Variants in CACNA1E observed in about 807,000 individuals in gnomAD.
CACNA1E encodes the protein calcium voltage-gated channel subunit alpha1 E.
In CACNA1E, 40 loss-of-function variants were observed where a neutral mutation model predicts 259.2. That is an observed-to-expected ratio of 0.15 (90% CI 0.12 to 0.20). The LOEUF is 0.20. Among genes scored for constraint, CACNA1E ranks in the 10% least tolerant of loss-of-function variants. The pLI is 1.00. For synonymous variants in CACNA1E, 1,104 were observed against 1,138.5 expected (o/e 0.97, Z 0.61); for missense variants, 1,874 against 3,040.1 (o/e 0.62, Z 9.02).
At chr1:181,455,794 G>A (rs555787092) in intron 2 of CACNA1E, among the ~76,000 whole-genome samples, 15 of 152,240 alleles carry the variant, frequency 9.9e-5, no homozygotes, top group Admixed American at 7.8e-4. Flanking sequence ...TTCTGGCCTC[G>A]TTTCTGGGCC....
chr1:181,790,098 T>C (rs887658089), intron 43 of CACNA1E, among the ~76,000 whole-genome samples: 1 of 152,218 alleles, frequency 6.6e-6, no homozygotes, highest in Non-Finnish European at 1.5e-5. Flanking sequence ...GTTCACTGTG[T>C]AAACTAGGGT....
chr1:181,757,178 C>A, intron 30 of CACNA1E, 52 bp downstream of exon 30: 1 of 1,287,728 alleles, frequency 7.8e-7, no homozygotes, highest in Non-Finnish European at 1.1e-6. Context: ...AGAAAGGATT[C>A]TTGGGCCAGC....
chr1:181,372,150 G>A (rs1048461644), intron 1 of CACNA1E, among the ~76,000 whole-genome samples: 4 of 152,082 alleles, frequency 2.6e-5, no homozygotes, highest in Non-Finnish European at 2.9e-5. Context: ...TTGGTAGTTC[G>A]GTAGGAATAG....
chr1:181,680,547 A>ACCAGC lies in CACNA1E; in HGVS notation c.1055+29115_1055+29119dup, dbSNP rs1389034237. Reference sequence around the variant, plus strand: ...CACATGTTCTCTCATGCACATGCCGACCAGCCCAGCCCACCCTGCTTCTCA... The same window carrying ACCAGC: ...CACATGTTCTCTCATGCACATGCCGACCAGCCCAGCCCAGCCCACCCTGCTTCTCA... On this transcript the variant is annotated intron_variant, in intron 7 of 47. Coordinates refer to ENST00000367573, the MANE Select transcript of CACNA1E (RefSeq NM_001205293.3). Among the ~76,000 whole-genome samples, 3 of 152,158 alleles carry ACCAGC rather than the reference A, an allele frequency of 2.0e-5. No individual in the cohort carries two copies. In the East Asian group the frequency reaches 5.8e-4, roughly 29 times the overall value.
rs552806827 is a variant in CACNA1E, at chr1:181,527,996, A to G, written c.512+16486A>G. On this transcript the variant is annotated intron_variant, in intron 3 of 47. Coordinates refer to ENST00000367573, the MANE Select transcript of CACNA1E (RefSeq NM_001205293.3). ...CCAGTTTTTTATAATTATCTACTGGATTATCAAACTCTTGTGGTGAAGACC... is the reference window on the plus strand; with the variant it reads ...CCAGTTTTTTATAATTATCTACTGGGTTATCAAACTCTTGTGGTGAAGACC... Among the ~76,000 whole-genome samples the G allele has an allele frequency of 2.0e-5, 3 of 151,878 alleles. No homozygotes were observed. The South Asian group carries it at 6.2e-4, about 32-fold the overall frequency.
chr1:181,404,313 G>T (rs1208543429), intron 1 of CACNA1E, among the ~76,000 whole-genome samples: 1 of 152,210 alleles, frequency 6.6e-6, no homozygotes, highest in Non-Finnish European at 1.5e-5. Context: ...AATCTTACAA[G>T]TGCCTTGTGT....
intron 7 of CACNA1E, among the ~76,000 whole-genome samples, chr1:181,658,674 T>G (rs1468463410): frequency 1.1e-4 from 16 of 152,314 alleles, no homozygotes. Context: ...CTGCACAGAT[T>G]AGATGTCATG....
intron 1 of CACNA1E, among the ~76,000 whole-genome samples, chr1:181,325,983 A>G (rs1307973784): frequency 6.6e-6 from 1 of 152,156 alleles, no homozygotes; most frequent in Non-Finnish European, 1.5e-5. Context: ...CTCCGCGTGC[A>G]CTGGCCACAC....
intron 7 of CACNA1E, among the ~76,000 whole-genome samples, chr1:181,694,633 G>C (rs1651524163): frequency 6.6e-6 from 1 of 152,182 alleles, no homozygotes; most frequent in Admixed American, 6.5e-5. Flanking sequence ...ACAACCCGTT[G>C]ATCTTGGACT....
At chr1:181,786,049 C>T (rs1278363710) in intron 43 of CACNA1E, among the ~76,000 whole-genome samples, 2 of 152,186 alleles carry the variant, frequency 1.3e-5, no homozygotes, top group Admixed American at 6.5e-5. Flanking sequence ...TTTGAATGAA[C>T]AATAGAAGAA....
intron 1 of CACNA1E, among the ~76,000 whole-genome samples, chr1:181,402,952 G>T (rs766667541): frequency 6.6e-6 from 1 of 152,082 alleles, no homozygotes; most frequent in South Asian, 2.1e-4. Context: ...TTTACTTAAT[G>T]GGAAAGATAA....
intron 8 of CACNA1E, 108 bp downstream of exon 8, chr1:181,711,177 G>A (rs1488331945): frequency 1.3e-6 from 1 of 748,702 alleles, no homozygotes; most frequent in Non-Finnish European, 2.3e-6. Context: ...CAAGACAAGA[G>A]AGACACTCTG....
intron 1 of CACNA1E, among the ~76,000 whole-genome samples, chr1:181,493,350 G>T (rs1664477794): frequency 6.6e-6 from 1 of 152,196 alleles, no homozygotes; most frequent in Admixed American, 6.5e-5. Context: ...TGTCAGCCAG[G>T]CTGCTATGAA....
chr1:181,383,458 G>T (rs1240600481), intron 1 of CACNA1E, among the ~76,000 whole-genome samples: 1 of 152,238 alleles, frequency 6.6e-6, no homozygotes, highest in African/African-American at 2.4e-5. Flanking sequence ...AGCAGAAGTA[G>T]TAAACGGAGC....
At chr1:181,382,466 G>A (rs1333227416) in intron 1 of CACNA1E, among the ~76,000 whole-genome samples, 1 of 152,174 alleles carries the variant, frequency 6.6e-6, no homozygotes, top group Admixed American at 6.5e-5. Context: ...AGTAGTTCAG[G>A]TGCATCCAGT....
intron 3 of CACNA1E, among the ~76,000 whole-genome samples, chr1:181,523,515 T>C (rs1558085468): frequency 1.3e-5 from 2 of 152,238 alleles, no homozygotes; most frequent in African/African-American, 4.8e-5. Flanking sequence ...ATATCTTTGC[T>C]CTACTGTTTT....
chr1:181,781,311 T>A (rs1660406335), intron 38 of CACNA1E, 116 bp from the exon 39 acceptor site: 3 of 652,766 alleles, frequency 4.6e-6, no homozygotes, highest in Non-Finnish European at 8.5e-6. Flanking sequence ...TCTCTGGGAA[T>A]GCCTATTCTC....
At chr1:181,726,214 A>G (rs1201165541) in intron 18 of CACNA1E, 52 bp downstream of exon 18, 8 of 1,260,634 alleles carry the variant, frequency 6.3e-6, no homozygotes, top group East Asian at 4.9e-5. Flanking sequence ...CTAACAGCCA[A>G]TTCATCAACT....
intron 25 of CACNA1E, among the ~76,000 whole-genome samples, chr1:181,742,321 A>G (rs920710256): frequency 2.0e-5 from 3 of 152,208 alleles, no homozygotes; most frequent in South Asian, 2.1e-4. Context: ...CCTCATGGTC[A>G]GGGGCTCAGG....
Sources: allele counts gnomAD v4.1 joint callset (sites outside exome capture counted in the v4.1 genomes callset), GRCh38; gene constraint gnomAD v4.1.1; transcripts MANE v1.5; gene names NCBI Gene and HGNC (gene_info 2026-07-23, HGNC 2026-07-21).